The following SOS1 variants were observed in gnomAD, a reference collection of about 807,000 sequenced individuals.
SOS1 encodes son of sevenless homolog 1.
A neutral mutation model predicts 157.6 loss-of-function variants in SOS1; 25 were observed. The observed-to-expected ratio is 0.16, with a 90% CI of 0.12 to 0.22. The LOEUF (loss-of-function observed/expected upper bound fraction) is 0.22. SOS1 is among the 10% of genes least tolerant of loss of function. The probability of loss-of-function intolerance (pLI) is 1.00; values close to 1 mark genes in which losing one functional copy is unlikely to be tolerated. For synonymous variants in SOS1, 528 were observed against 534.0 expected (o/e 0.99, Z 0.16); for missense variants, 1,237 against 1,599.1 (o/e 0.77, Z 3.86).
At chr2:39,018,447 A>C (rs1370671859) in intron 10 of SOS1, among the ~76,000 whole-genome samples, 1 of 151,768 alleles carries the variant, frequency 6.6e-6, no homozygotes, top group African/African-American at 2.4e-5. Flanking sequence ...TTTCAAACAG[A>C]AATAACCAGG....
intron 1 of SOS1, among the ~76,000 whole-genome samples, chr2:39,113,097 C>A (rs571473273): frequency 6.6e-6 from 1 of 151,990 alleles, no homozygotes; most frequent in Non-Finnish European, 1.5e-5. Flanking sequence ...CTCCCTGCTC[C>A]CCAACCTACA....
chr2:38,988,319 G>T (rs1170520731), intron 21 of SOS1, among the ~76,000 whole-genome samples: 1 of 152,076 alleles, frequency 6.6e-6, no homozygotes, highest in East Asian at 1.9e-4. Context: ...CACAAAAAAA[G>T]TAAGTAAAGC....
chr2:39,114,790 G>T (rs554392069), intron 1 of SOS1, among the ~76,000 whole-genome samples: 204 of 152,164 alleles, frequency 1.3e-3, no homozygotes, highest in African/African-American at 4.8e-3. Flanking sequence ...AAAGACAGGG[G>T]TTTCACTATG....
In SOS1 at chr2:38,995,366, G is replaced by C. The variant is rs757046948; in HGVS notation, c.3103C>G (p.Leu1035Val). The change falls in exon 20 of 23, where the codon CTA becomes GTA. Residue 1035 changes from leucine to valine, a missense_variant. Physicochemically the swap from Leu to Val is conservative, Grantham distance 32 (BLOSUM62 1). Transcript: ENST00000402219. ...PRFPKKYSYPLKSPGVRPSNP... is the reference protein window; with the variant it reads ...PRFPKKYSYPVKSPGVRPSNP... ...GATGGACGAACACCAGGAGATTTTA[G>C]GGGATAGCTATATTTTTTTGGCTGT... is the stretch of plus-strand genomic sequence containing the variant. 1.2e-6 allele frequency: 2 copies of C among 1,613,390 alleles called. No homozygotes were observed. Among genetic ancestry groups the C allele is most frequent in the East Asian group, 4.5e-5 (2 of 44,876 alleles).
chr2:38,989,430 T>C (rs576696708), intron 20 of SOS1, 116 bp from the exon 21 acceptor site: 2 of 717,306 alleles, frequency 2.8e-6, no homozygotes, highest in East Asian at 2.7e-5. Flanking sequence ...TAAAGAATGC[T>C]GTAACAGTTT....
chr2:39,089,478 G>A (rs1218255232), intron 1 of SOS1, among the ~76,000 whole-genome samples: 2 of 141,696 alleles, frequency 1.4e-5, no homozygotes, highest in Non-Finnish European at 3.0e-5. Flanking sequence ...GTTGCAGTGA[G>A]CCATTGTGCC....
chr2:39,007,298 G>T (rs1669311891), intron 15 of SOS1, 105 bp from the exon 16 acceptor site: 1 of 771,812 alleles, frequency 1.3e-6, no homozygotes, highest in Non-Finnish European at 2.2e-6. Flanking sequence ...GGGGGGTGGC[G>T]ATAGTATAAC....
rs1389919649 is a variant in SOS1, at chr2:38,981,874, C to G, written c.*3950G>C. Reference sequence around the variant, plus strand: ...TACATGTCACTTTGACAAACAAATTCTCTGGTGGTTTCACCAGATATTTGC... The same window carrying G: ...TACATGTCACTTTGACAAACAAATTGTCTGGTGGTTTCACCAGATATTTGC... On this transcript the variant is annotated 3_prime_UTR_variant, in exon 23 of 23. Transcript: ENST00000402219. 2 of 152,196 alleles carry G rather than the reference C, an allele frequency of 1.3e-5. No homozygotes were observed. Among genetic ancestry groups the G allele is most frequent in the Non-Finnish European group, 2.9e-5 (2 of 68,020 alleles). The allele number at this position is 152,196 out of a possible 1,614,324, so 9.4% of individuals were successfully genotyped here.
chr2:39,097,049 TTGGA>T (rs1672791659), intron 1 of SOS1, among the ~76,000 whole-genome samples: 1 of 151,484 alleles, frequency 6.6e-6, no homozygotes, highest in Non-Finnish European at 1.5e-5. Flanking sequence ...ATGGGAAGAG[TTGGA>T]TGATCTATAA....
At chr2:39,087,663 A>G (rs1049393297) in intron 1 of SOS1, among the ~76,000 whole-genome samples, 1 of 152,202 alleles carries the variant, frequency 6.6e-6, no homozygotes, top group African/African-American at 2.4e-5. Context: ...ATCACATATC[A>G]GAAAGTGCTT....
intron 6 of SOS1, among the ~76,000 whole-genome samples, chr2:39,042,934 T>A (rs989154208): frequency 6.6e-6 from 1 of 152,086 alleles, no homozygotes; most frequent in Non-Finnish European, 1.5e-5. Context: ...TTATACAAAT[T>A]TTCTTGGGTT....
At chr2:39,124,046 G>A (rs1490159542), upstream of SOS1, 1 of 152,358 alleles carries the variant, frequency 6.6e-6, no homozygotes, top group Non-Finnish European at 1.5e-5. Flanking sequence ...CGGGTAACTG[G>A]AGAGAAACTG....
At chr2:39,008,918 G>A (rs976731226) in intron 15 of SOS1, among the ~76,000 whole-genome samples, 10 of 135,616 alleles carry the variant, frequency 7.4e-5, no homozygotes, top group African/African-American at 2.7e-4. Context: ...AAACAGATGA[G>A]GTATGCAAAC....
chr2:39,050,015 T>G (rs552575649), intron 6 of SOS1, among the ~76,000 whole-genome samples: 2 of 152,356 alleles, frequency 1.3e-5, no homozygotes, highest in African/African-American at 4.8e-5. Flanking sequence ...ATTCCATTCC[T>G]GATCTTGTTT....
intron 17 of SOS1, among the ~76,000 whole-genome samples, chr2:39,005,253 C>CTGAAACCGTGGAAAG (rs1394713224): frequency 6.6e-6 from 1 of 152,160 alleles, no homozygotes; most frequent in Non-Finnish European, 1.5e-5. Flanking sequence ...CCATGGATAA[C>CTGAAACCGTGGAAAG]TGAAACCGTG....
At chr2:39,121,351 G>A (rs892792960), upstream of SOS1, among the ~76,000 whole-genome samples, 6 of 152,200 alleles carry the variant, frequency 3.9e-5, no homozygotes, top group South Asian at 2.1e-4. Context: ...AAAGGGGTGT[G>A]TGTACTTTGT....
At chr2:39,101,144 C>A (rs1411008238) in intron 1 of SOS1, among the ~76,000 whole-genome samples, 3 of 152,098 alleles carry the variant, frequency 2.0e-5, no homozygotes, top group Non-Finnish European at 4.4e-5. Flanking sequence ...CATGGCAGAG[C>A]CAAAGGGGGA....
At chr2:39,056,937 A>C (rs755362424) in intron 3 of SOS1, 71 bp from the exon 4 acceptor site, 2 of 1,118,588 alleles carry the variant, frequency 1.8e-6, no homozygotes, top group East Asian at 2.4e-5. Context: ...TAAAAATAAA[A>C]AACATATTTG....
intron 20 of SOS1, among the ~76,000 whole-genome samples, chr2:38,989,581 A>G (rs1032818961): frequency 6.6e-6 from 1 of 152,128 alleles, no homozygotes; most frequent in Non-Finnish European, 1.5e-5. Context: ...TTACTGAAAG[A>G]CTTTTTAAAA....
Sources: gnomAD v4.1 joint callset for allele counts (sites outside exome capture counted in the v4.1 genomes callset) on GRCh38, gnomAD v4.1.1 for gene constraint, MANE v1.5 for transcripts, NCBI Gene and HGNC (gene_info 2026-07-23, HGNC 2026-07-21) for gene names.